The following CACNA2D1 variants were observed in gnomAD, a reference collection of about 807,000 sequenced individuals.
The protein encoded by CACNA2D1 is voltage-dependent calcium channel subunit alpha-2/delta-1.
CACNA2D1 carries 53 observed loss-of-function variants against 171.5 expected under a neutral mutation model. That is an observed-to-expected ratio of 0.31 (90% CI 0.25 to 0.39). The LOEUF (loss-of-function observed/expected upper bound fraction) is 0.39, where lower values mean the gene tolerates loss of function less well. Ranked by LOEUF, CACNA2D1 falls within the 10% of genes least tolerant of loss-of-function variation. The probability of loss-of-function intolerance (pLI) is 1.00; values close to 1 mark genes in which losing one functional copy is unlikely to be tolerated. For missense variants in CACNA2D1, 903 were observed against 1,299.8 expected (o/e 0.69, Z 4.69); for synonymous variants, 442 against 443.1 (o/e 1.00, Z 0.03).
chr7:82,405,393 G>C (rs889970899), intron 1 of CACNA2D1, among the ~76,000 whole-genome samples: 6 of 152,162 alleles, frequency 3.9e-5, no homozygotes, highest in African/African-American at 9.7e-5. Context: ...ATTCAAATGA[G>C]CTAAATTTAT....
intron 38 of CACNA2D1, among the ~76,000 whole-genome samples, chr7:81,954,151 ATTATTTCTGTCCTATAGAGACTGAAAT>A (rs1283229114): frequency 6.6e-6 from 1 of 152,116 alleles, no homozygotes; most frequent in Non-Finnish European, 1.5e-5. Context: ...GGAACTCAGC[ATTATTTCTGTCCTATAGAGACTGAAAT>A]CCCACTGACA....
chr7:82,387,262 A>G (rs904497374), intron 1 of CACNA2D1, among the ~76,000 whole-genome samples: 1 of 152,206 alleles, frequency 6.6e-6, no homozygotes, highest in African/African-American at 2.4e-5. Flanking sequence ...GTTGTGATGT[A>G]TCTCTTGGAA....
intron 3 of CACNA2D1, among the ~76,000 whole-genome samples, chr7:82,317,656 C>A (rs1320782166): frequency 6.6e-6 from 1 of 151,986 alleles, no homozygotes; most frequent in African/African-American, 2.4e-5. Context: ...GAAATGTCAA[C>A]TAAGGACTGG....
intron 1 of CACNA2D1, among the ~76,000 whole-genome samples, chr7:82,376,823 T>A (rs1406202237): frequency 6.6e-6 from 1 of 152,162 alleles, no homozygotes. Context: ...TTTAAGAAAA[T>A]CTTTTAGGCG....
At chr7:82,048,040 C>T (rs1189428013) in intron 10 of CACNA2D1, among the ~76,000 whole-genome samples, 1 of 152,060 alleles carries the variant, frequency 6.6e-6, no homozygotes. Context: ...CTGTACACAT[C>T]TACAAGACAT....
intron 3 of CACNA2D1, among the ~76,000 whole-genome samples, chr7:82,253,933 C>G (rs189907021): frequency 3.3e-5 from 5 of 152,184 alleles, no homozygotes; most frequent in Admixed American, 3.3e-4. Flanking sequence ...TAGCTTTACC[C>G]TCCCCTAGAT....
At chr7:82,361,564 C>T (rs967310288) in intron 1 of CACNA2D1, among the ~76,000 whole-genome samples, 5 of 151,930 alleles carry the variant, frequency 3.3e-5, no homozygotes, top group Non-Finnish European at 5.9e-5. Flanking sequence ...TATATAATTG[C>T]GATCTTTAAT....
At chr7:81,984,017 G>A (rs899932746) in intron 22 of CACNA2D1, among the ~76,000 whole-genome samples, 3 of 152,044 alleles carry the variant, frequency 2.0e-5, no homozygotes, top group African/African-American at 4.8e-5. Flanking sequence ...ACAATAACTT[G>A]AAGTATGCAC....
chr7:82,427,840 G>A (rs940332270), intron 1 of CACNA2D1, among the ~76,000 whole-genome samples: 3 of 152,154 alleles, frequency 2.0e-5, no homozygotes, highest in Admixed American at 2.0e-4. Flanking sequence ...GAATTAAAAA[G>A]TCACTCAAAT....
At chr7:82,274,386 A>G (rs1225423825) in intron 3 of CACNA2D1, among the ~76,000 whole-genome samples, 1 of 152,182 alleles carries the variant, frequency 6.6e-6, no homozygotes, top group African/African-American at 2.4e-5. Flanking sequence ...TAAAATTACC[A>G]TCTGGAAACT....
At chr7:82,256,797 C>T (rs564285656) in intron 3 of CACNA2D1, among the ~76,000 whole-genome samples, 19 of 152,190 alleles carry the variant, frequency 1.2e-4, no homozygotes, top group East Asian at 5.8e-4. Context: ...TAAAATAATA[C>T]GAATCTCTAA....
At chr7:82,331,168 T>C (rs189119580) in intron 3 of CACNA2D1, among the ~76,000 whole-genome samples, 64 of 152,252 alleles carry the variant, frequency 4.2e-4, no homozygotes, top group Admixed American at 4.2e-3. Context: ...AGACTAATAA[T>C]GGTGTCTCTA....
At chr7:82,393,079 A>AAGGAAGGC (rs1394154679) in intron 1 of CACNA2D1, among the ~76,000 whole-genome samples, 2 of 114,064 alleles carry the variant, frequency 1.8e-5, no homozygotes, top group Non-Finnish European at 3.6e-5. Flanking sequence ...GGAAGGAAGG[A>AAGGAAGGC]AGGAAGGCAG....
chr7:82,104,794 G>A (rs73383732), intron 6 of CACNA2D1, among the ~76,000 whole-genome samples: 2,909 of 152,064 alleles, frequency 0.019, 80 homozygotes, highest in African/African-American at 0.066. Context: ...TACGATTTAA[G>A]AATACATGTT....
At chr7:82,097,234 TAGAG>T (rs1203729543) in intron 6 of CACNA2D1, among the ~76,000 whole-genome samples, 1 of 152,124 alleles carries the variant, frequency 6.6e-6, no homozygotes, top group Non-Finnish European at 1.5e-5. Context: ...GGGATGTTAT[TAGAG>T]AGACATGATT....
intron 3 of CACNA2D1, among the ~76,000 whole-genome samples, chr7:82,246,796 G>T (rs1212236499): frequency 6.6e-6 from 1 of 152,192 alleles, no homozygotes; most frequent in Non-Finnish European, 1.5e-5. Context: ...ATAGGCATGG[G>T]TGTGAGTGAG....
At chr7:82,301,006 A>G (rs1350610697) in intron 3 of CACNA2D1, among the ~76,000 whole-genome samples, 1 of 152,258 alleles carries the variant, frequency 6.6e-6, no homozygotes, top group Non-Finnish European at 1.5e-5. Flanking sequence ...AATAACATCC[A>G]AATGTAGACA....
intron 21 of CACNA2D1, among the ~76,000 whole-genome samples, chr7:81,987,875 T>G (rs1003636501): frequency 1.3e-5 from 2 of 152,140 alleles, no homozygotes; most frequent in African/African-American, 4.8e-5. Context: ...GTGAAGGGAC[T>G]ATCAGACTTG....
intron 18 of CACNA2D1, 90 bp downstream of exon 18, chr7:82,005,333 T>G (rs1203210969): frequency 1.2e-6 from 1 of 811,936 alleles, no homozygotes; most frequent in South Asian, 1.5e-5. Context: ...TTTAGTGTTA[T>G]ACGGTAAATT....
Sources: allele counts gnomAD v4.1 joint callset (sites outside exome capture counted in the v4.1 genomes callset), GRCh38; gene constraint gnomAD v4.1.1; transcripts MANE v1.5; gene names NCBI Gene and HGNC (gene_info 2026-07-23, HGNC 2026-07-21).